Variants in CCDC73 observed in about 807,000 individuals in gnomAD.
CCDC73 encodes the protein coiled-coil domain containing 73, also known as coiled-coil domain-containing protein 73.
In CCDC73, 95 loss-of-function variants were observed where a neutral mutation model predicts 116.5. The ratio of observed to expected loss-of-function variants is 0.82; its 90% CI spans 0.69 to 0.97. CCDC73 has a LOEUF of 0.97. CCDC73 is among the 50% of genes least tolerant of loss of function. The pLI is 0.00. For missense variants in CCDC73, 1,066 were observed against 1,206.8 expected, an observed-to-expected ratio of 0.88 and a Z score of 1.73; for synonymous variants, 398 against 401.3, an observed-to-expected ratio of 0.99 and a Z score of 0.10.
intron 6 of CCDC73, among the ~76,000 whole-genome samples, chr11:32,693,609 C>T (rs775125013): frequency 9.9e-5 from 15 of 152,068 alleles, no homozygotes; most frequent in Non-Finnish European, 1.6e-4. Flanking sequence ...AAAGACACAA[C>T]AAAAAGAGGG....
chr11:32,735,856 C>T (rs1430093797), intron 2 of CCDC73, among the ~76,000 whole-genome samples: 1 of 152,146 alleles, frequency 6.6e-6, no homozygotes, highest in East Asian at 1.9e-4. Context: ...AATAATACCA[C>T]ACATCTACAA....
chr11:32,760,089 C>T lies in CCDC73; in HGVS notation c.135+20G>A, dbSNP rs756733223. ...ATCAAGTTTTCTTATTTAACAAAAG[C>T]ATTTTAAAAAGGAGCTTACCCTTCT... On this transcript the variant is annotated intron_variant, in intron 2 of 17. Transcript: ENST00000335185. 6.4e-7 allele frequency: 1 copy of T among 1,573,752 alleles called. No homozygotes were observed. The highest frequency in any genetic ancestry group is 8.6e-7 in the Non-Finnish European group (1 of 1,163,870).
intron 9 of CCDC73, among the ~76,000 whole-genome samples, chr11:32,671,971 C>T (rs775482562): frequency 3.9e-5 from 6 of 152,208 alleles, no homozygotes; most frequent in Non-Finnish European, 8.8e-5. Context: ...CGCCTTCTTA[C>T]ATAAATCCAC....
intron 10 of CCDC73, 126 bp from the exon 11 acceptor site, chr11:32,654,163 T>G (rs1442456441): frequency 4.8e-6 from 4 of 839,978 alleles, no homozygotes; most frequent in African/African-American, 1.8e-5. Flanking sequence ...ACATTTGTTT[T>G]TTTGTTTGTT....
rs540388908 is a variant in CCDC73 at position 32,611,585 on chromosome 11, AT to A, written c.2897-321del. On this transcript the variant is annotated intron_variant, in intron 16 of 17. Coordinates refer to ENST00000335185, the MANE Select transcript of CCDC73 (RefSeq NM_001008391.4). ...TTATCATTATTCCCCTGGTTACTGT[AT>A]TTCCCACACATGTAAGCATTTGTAT... is the stretch of plus-strand genomic sequence containing the variant. 2.7e-3 allele frequency among the ~76,000 whole-genome samples: 411 copies of A among 152,280 alleles called. 2 individuals are homozygous for A. The highest frequency in any genetic ancestry group is 0.014 in the Middle Eastern group (4 of 294).
intron 6 of CCDC73, among the ~76,000 whole-genome samples, chr11:32,691,519 G>T (rs1232146701): frequency 1.3e-5 from 2 of 152,100 alleles, no homozygotes; most frequent in Non-Finnish European, 2.9e-5. Flanking sequence ...TTGGTGAGAT[G>T]TCTGTTAAGA....
chr11:32,664,640 AATG>A (rs1263295367), intron 9 of CCDC73, among the ~76,000 whole-genome samples: 1 of 152,110 alleles, frequency 6.6e-6, no homozygotes, highest in Non-Finnish European at 1.5e-5. Context: ...TGCTGCATTC[AATG>A]ATATTTTTGA....
At chr11:32,790,510 G>A (rs6484600) in intron 1 of CCDC73, among the ~76,000 whole-genome samples, 87,420 of 151,866 alleles carry the variant, frequency 0.58, 25,468 homozygotes, top group East Asian at 0.84. Flanking sequence ...GTGAGGAAAA[G>A]CCTTGAGAGC....
At chr11:32,662,984 G>T (rs1855945044) in intron 9 of CCDC73, among the ~76,000 whole-genome samples, 1 of 152,148 alleles carries the variant, frequency 6.6e-6, no homozygotes, top group Non-Finnish European at 1.5e-5. Flanking sequence ...GTTTGTCAAA[G>T]ATCAGATGGT....
At chr11:32,610,770 T>C (rs1170877018) in intron 17 of CCDC73, among the ~76,000 whole-genome samples, 1 of 152,230 alleles carries the variant, frequency 6.6e-6, no homozygotes, top group Admixed American at 6.5e-5. Flanking sequence ...TACTTAAGGA[T>C]TATTAAAAAC....
the CCDC73 span, among the ~76,000 whole-genome samples, chr11:32,822,729 A>T: frequency 3.9e-5 from 6 of 152,030 alleles, no homozygotes; most frequent in African/African-American, 9.7e-5. Context: ...ATAAGAAAAA[A>T]TTTTTTGAAG....
Position 32,641,026 on chromosome 11 carries a change from AAAAG to A in CCDC73, c.1050+942_1050+945del, listed in dbSNP as rs869281522. Among the ~76,000 whole-genome samples, 60 of 8,574 alleles carry A rather than the reference AAAAG, an allele frequency of 7.0e-3. No homozygotes were observed. The African/African-American group carries it at 0.12, about 17-fold the overall frequency. The allele number at this position is 8,574 out of a possible 152,430, so 5.6% of individuals were successfully genotyped here. A position where few individuals can be genotyped will look rare whatever the true frequency, so the allele number is the denominator to read the frequency against. Reference sequence around the variant, plus strand: ...GTGAGACTCTGTCCCCCACCAAAAAAAAAGAAAAGAAAAGAAAAGAAAACATGTT... The same window carrying A: ...GTGAGACTCTGTCCCCCACCAAAAAAAAAAGAAAAGAAAAGAAAACATGTT... On this transcript the variant is annotated intron_variant, in intron 13 of 17. Coordinates refer to ENST00000335185, the MANE Select transcript of CCDC73 (RefSeq NM_001008391.4).
intron 12 of CCDC73, among the ~76,000 whole-genome samples, chr11:32,651,346 T>C (rs1164248748): frequency 6.6e-6 from 1 of 152,226 alleles, no homozygotes; most frequent in Non-Finnish European, 1.5e-5. Flanking sequence ...ACTGTTGTTA[T>C]GTCTCACCCC....
intron 2 of CCDC73, among the ~76,000 whole-genome samples, chr11:32,723,992 G>A (rs999150072): frequency 7.9e-5 from 12 of 152,042 alleles, no homozygotes; most frequent in African/African-American, 1.9e-4. Context: ...TCCTACTCTA[G>A]TACAAATATA....
intron 9 of CCDC73, among the ~76,000 whole-genome samples, chr11:32,671,092 C>T (rs1248432819): frequency 2.0e-5 from 3 of 152,116 alleles, no homozygotes; most frequent in Non-Finnish European, 4.4e-5. Context: ...TTATTCAAAG[C>T]TATTAGTGCA....
At chr11:32,649,358 A>C (rs1855806742) in intron 12 of CCDC73, among the ~76,000 whole-genome samples, 1 of 152,238 alleles carries the variant, frequency 6.6e-6, no homozygotes, top group Non-Finnish European at 1.5e-5. Context: ...TGACTACAGG[A>C]ACATAACTAT....
At chr11:32,729,120 C>T (rs902361141) in intron 2 of CCDC73, among the ~76,000 whole-genome samples, 1 of 152,124 alleles carries the variant, frequency 6.6e-6, no homozygotes, top group Non-Finnish European at 1.5e-5. Flanking sequence ...AACCCATCAC[C>T]TAGGTATTAA....
chr11:32,700,963 T>G (rs994796887), intron 4 of CCDC73, 137 bp from the exon 5 acceptor site: 6 of 384,058 alleles, frequency 1.6e-5, no homozygotes, highest in African/African-American at 1.1e-4. Context: ...ATTTTCAGAT[T>G]CAGAAAATAA....
chr11:32,792,069 C>T (rs1272137687), intron 1 of CCDC73, among the ~76,000 whole-genome samples: 4 of 151,700 alleles, frequency 2.6e-5, no homozygotes, highest in Admixed American at 6.6e-5. Flanking sequence ...GATAAAAGAA[C>T]ATAATCCATC....
Sources: gnomAD v4.1 joint callset for allele counts (sites outside exome capture counted in the v4.1 genomes callset) on GRCh38, gnomAD v4.1.1 for gene constraint, MANE v1.5 for transcripts, NCBI Gene and HGNC (gene_info 2026-07-23, HGNC 2026-07-21) for gene names.